Variants in TBC1D31 observed in about 807,000 individuals in gnomAD.
The protein encoded by TBC1D31 is TBC1 domain family member 31.
A neutral mutation model predicts 132.9 loss-of-function variants in TBC1D31; 99 were observed. That is an observed-to-expected ratio of 0.74 (90% CI 0.63 to 0.88). The LOEUF (loss-of-function observed/expected upper bound fraction) is 0.88, where lower values mean the gene tolerates loss of function less well. TBC1D31 is among the 40% of genes least tolerant of loss of function. The pLI is 0.00. For synonymous variants in TBC1D31, 385 were observed against 419.4 expected, an observed-to-expected ratio of 0.92 and a Z score of 1.00; for missense variants, 1,134 against 1,256.6, an observed-to-expected ratio of 0.90 and a Z score of 1.48.
chr8:123,128,568 AAGAAAG>A, intron 14 of TBC1D31, 55 bp downstream of exon 14: 1 of 1,337,880 alleles, frequency 7.5e-7, no homozygotes, highest in Non-Finnish European at 1.0e-6. Flanking sequence ...TTATAAACAT[AAGAAAG>A]TTTTAATGAA....
rs547684677 is a variant in TBC1D31 at position 123,100,936 on chromosome 8, A to G, written c.961A>G (p.Ile321Val). 6.8e-6 allele frequency: 11 copies of G among 1,614,082 alleles called. No homozygotes were observed. The Admixed American group carries it at 1.3e-4, about 20-fold the overall frequency. ...AGCAATTAGCCCACATGGACGGTAC[A>G]TTGCATCTATTATGGAAAATGGAAG... Reference protein sequence around the residue: ...SSAISPHGRYIASIMENGSLN... With the variant: ...SSAISPHGRYVASIMENGSLN... The change falls in exon 7 of 22, where the codon ATT (isoleucine) becomes GTT (valine). Residue 321 changes from isoleucine to valine, a missense_variant. Ile to Val is a conservative substitution (Grantham distance 29). Coordinates refer to ENST00000287380, the MANE Select transcript of TBC1D31 (RefSeq NM_145647.4).
At chr8:123,137,652 A>G (rs1009878161) in intron 17 of TBC1D31, among the ~76,000 whole-genome samples, 1 of 152,232 alleles carries the variant, frequency 6.6e-6, no homozygotes, top group Non-Finnish European at 1.5e-5. Context: ...TGGAGTGCAT[A>G]TGTGGCTGAC....
intron 1 of TBC1D31, among the ~76,000 whole-genome samples, chr8:123,073,924 G>C (rs1814201372): frequency 6.6e-6 from 1 of 152,086 alleles, no homozygotes; most frequent in Non-Finnish European, 1.5e-5. Flanking sequence ...GGCCTCAGGT[G>C]ATCCGCCTGT....
chr8:123,127,258 T>C (rs1292873262), intron 13 of TBC1D31, among the ~76,000 whole-genome samples: 6 of 140,676 alleles, frequency 4.3e-5, no homozygotes, highest in African/African-American at 1.3e-4. Flanking sequence ...TTGTGCTTTT[T>C]GCATTTTTTT....
intron 7 of TBC1D31, among the ~76,000 whole-genome samples, chr8:123,101,337 A>T (rs1157421005): frequency 6.6e-6 from 1 of 152,148 alleles, no homozygotes; most frequent in East Asian, 1.9e-4. Context: ...TTGAAGTTCT[A>T]TGACTTCCTA....
intron 3 of TBC1D31, chr8:123,083,067 C>T (rs1815335548): frequency 1.1e-5 from 4 of 376,832 alleles, no homozygotes; most frequent in South Asian, 9.2e-5. Flanking sequence ...GAAAGCACTA[C>T]ACTTAATGAC....
chr8:123,086,270 AAT>A (rs1339122440), intron 4 of TBC1D31, among the ~76,000 whole-genome samples: 1 of 152,154 alleles, frequency 6.6e-6, no homozygotes, highest in Non-Finnish European at 1.5e-5. Context: ...CAATTGTGAT[AAT>A]AGTTACTGAA....
intron 10 of TBC1D31, among the ~76,000 whole-genome samples, chr8:123,119,608 G>T (rs1819280657): frequency 6.6e-6 from 1 of 152,178 alleles, no homozygotes; most frequent in Admixed American, 6.5e-5. Context: ...AGCTACTCAG[G>T]AGACTGAGGC....
At chr8:123,073,519 G>T in intron 1 of TBC1D31, 1 of 402,566 alleles carries the variant, frequency 2.5e-6, no homozygotes, top group South Asian at 1.8e-5. Flanking sequence ...CCAGTTACCT[G>T]TCCTGTTTGA....
At chr8:123,117,220 C>G (rs1449385696) in intron 10 of TBC1D31, among the ~76,000 whole-genome samples, 1 of 151,610 alleles carries the variant, frequency 6.6e-6, no homozygotes, top group Non-Finnish European at 1.5e-5. Context: ...GAGGCTGAGG[C>G]AGGAAAATCG....
At chr8:123,138,955 G>A (rs541083594) in intron 17 of TBC1D31, among the ~76,000 whole-genome samples, 13 of 152,020 alleles carry the variant, frequency 8.6e-5, no homozygotes, top group Admixed American at 3.9e-4. Context: ...GACTACAGGC[G>A]CACACCATCA....
At position 123,150,057 on chromosome 8, in the gene TBC1D31, A is replaced by G. The variant is rs1458461319; in HGVS notation, c.2996A>G (p.Glu999Gly). Reference sequence around the variant, plus strand: ...ACAGAAGAACCCAGGTTCCAAAATGAACAGGACTCAAGCTGTTTGCCTAGA... The same window carrying G: ...ACAGAAGAACCCAGGTTCCAAAATGGACAGGACTCAAGCTGTTTGCCTAGA... The part of the protein sequence containing the change: ...CHKEEPRFQN[E>G]QDSSCLPRTS... Residue 999 changes from glutamate to glycine, a missense_variant, in exon 21 of 22, where the codon GAA becomes GGA. Physicochemically the swap from Glu to Gly is moderately conservative, Grantham distance 98. Coordinates refer to ENST00000287380, the MANE Select transcript of TBC1D31 (RefSeq NM_145647.4). 6.2e-7 allele frequency: 1 copy of G among 1,614,088 alleles called. No individual in the cohort carries two copies. The highest frequency in any genetic ancestry group is 8.5e-7 in the Non-Finnish European group (1 of 1,179,954).
In TBC1D31 at chr8:123,126,140, A is replaced by C; in HGVS notation, c.1655A>C (p.His552Pro). 1 of 1,612,518 alleles carries C rather than the reference A, an allele frequency of 6.2e-7. No homozygotes were observed. The highest frequency in any genetic ancestry group is 8.5e-7 in the Non-Finnish European group (1 of 1,179,376). ...LSMIENVLAF[H>P]DKELLQHFID... ...ATGATAGAAAATGTTTTGGCATTTC[A>C]TGACAAGGAACTGCTGCAACACTTC... is the stretch of plus-strand genomic sequence containing the variant. The change falls in exon 12 of 22, where the codon CAT becomes CCT. Residue 552 changes from histidine to proline, a missense_variant. Transcript: ENST00000287380.
Position 123,152,148 on chromosome 8 carries a change from G to A in TBC1D31, c.*209G>A. On this transcript the variant is annotated 3_prime_UTR_variant, in exon 22 of 22. Transcript: ENST00000287380. ...TTACAATAAAAATGTTTTAGAAACT[G>A]TTAAAGCTGTGTTAAGCTTTCAGGT... is the stretch of plus-strand genomic sequence containing the variant. 1 of 427,296 alleles carries A rather than the reference G, an allele frequency of 2.3e-6. No individual in the cohort carries two copies. Among genetic ancestry groups the A allele is most frequent in the Non-Finnish European group, 3.9e-6 (1 of 257,712 alleles). 26.5% of individuals were successfully genotyped at this position (427,296 alleles called of 1,614,324 possible).
downstream of TBC1D31, among the ~76,000 whole-genome samples, chr8:123,152,413 T>A (rs1822860860): frequency 2.0e-5 from 3 of 152,116 alleles, no homozygotes; most frequent in South Asian, 6.2e-4. Flanking sequence ...ACTTGTAACA[T>A]CTCATCTCTG....
At chr8:123,084,367 G>A in intron 4 of TBC1D31, 27 bp downstream of exon 4, 2 of 1,604,682 alleles carry the variant, frequency 1.2e-6, no homozygotes, top group Non-Finnish European at 1.7e-6. Flanking sequence ...ATCTTGGTCT[G>A]TTGTGCTTCT....
chr8:123,102,708 A>AC (rs1407480754), intron 7 of TBC1D31: 3 of 156,096 alleles, frequency 1.9e-5, no homozygotes, highest in Admixed American at 6.5e-5. Context: ...GTCACCAGAT[A>AC]CCCTTTTTCC....
At chr8:123,085,660 T>TA (rs1326884178) in intron 4 of TBC1D31, among the ~76,000 whole-genome samples, 1 of 152,032 alleles carries the variant, frequency 6.6e-6, no homozygotes, top group Non-Finnish European at 1.5e-5. Flanking sequence ...CCACCCGCCT[T>TA]AGCCTCCTAA....
chr8:123,100,928 G>T lies in TBC1D31; in HGVS notation c.953G>T (p.Gly318Val). The T allele has an allele frequency of 6.2e-7, 1 of 1,614,056 alleles. No homozygotes were observed. The highest frequency in any genetic ancestry group is 1.3e-5 in the African/African-American group (1 of 75,048). The change falls in exon 7 of 22, where the codon GGA (glycine) becomes GTA (valine). Residue 318 changes from glycine (G) to valine (V), a missense_variant. Physicochemically the swap from Gly to Val is moderately radical, Grantham distance 109 (BLOSUM62 -3). Transcript: ENST00000287380. ...AGCTCATCAGCAATTAGCCCACATG[G>T]ACGGTACATTGCATCTATTATGGAA... ...GISSSAISPH[G>V]RYIASIMENG...
Sources: allele counts gnomAD v4.1 joint callset (sites outside exome capture counted in the v4.1 genomes callset), GRCh38; gene constraint gnomAD v4.1.1; transcripts MANE v1.5; gene names NCBI Gene and HGNC (gene_info 2026-07-23, HGNC 2026-07-21).